MGST1: variants seen among roughly 807,000 people sequenced by gnomAD.
The protein encoded by MGST1 is microsomal glutathione S-transferase 1, also known as glutathione S-transferase 12.
Under a neutral mutation model 8.9 loss-of-function variants are expected in MGST1, and 5 were observed. The observed-to-expected ratio is 0.56, with a 90% CI of 0.29 to 1.19. The LOEUF is 1.19. Among genes scored for constraint, MGST1 ranks in the 50% most tolerant of loss-of-function variants. The pLI, the probability that MGST1 is intolerant of heterozygous loss-of-function variation, is 0.08. For missense variants in MGST1, 182 were observed against 187.4 expected (o/e 0.97, Z 0.17); for synonymous variants, 54 against 67.8 (o/e 0.80, Z 1.00).
chr12:16,451,582 T>A (rs542172161), intron 4 of MGST1, among the ~76,000 whole-genome samples: 1 of 151,982 alleles, frequency 6.6e-6, no homozygotes, highest in East Asian at 1.9e-4. Context: ...AACAGTTATA[T>A]GAATTTTTTA....
downstream of MGST1, chr12:16,589,717 T>C (rs1016435665): frequency 1.3e-5 from 2 of 152,066 alleles, no homozygotes; most frequent in Non-Finnish European, 2.9e-5. The surrounding 1 kb of genome is among the most constrained non-coding windows in gnomAD (Gnocchi z 4.2). Flanking sequence ...AAGATCAAGC[T>C]CAAATTGATC....
chr12:16,472,579 A>AATG (rs1487983425), intron 4 of MGST1, among the ~76,000 whole-genome samples: 1 of 152,098 alleles, frequency 6.6e-6, no homozygotes, highest in Non-Finnish European at 1.5e-5. Flanking sequence ...CAGCCTCCAG[A>AATG]ATGATAATAT....
intron 4 of MGST1, among the ~76,000 whole-genome samples, chr12:16,554,893 C>T (rs1385240891): frequency 6.6e-6 from 1 of 152,122 alleles, no homozygotes; most frequent in Non-Finnish European, 1.5e-5. Flanking sequence ...CTCCCAACCT[C>T]GTGATCCGCC....
chr12:16,411,511 C>T (rs545952158), intron 1 of MGST1, among the ~76,000 whole-genome samples: 49 of 152,140 alleles, frequency 3.2e-4, no homozygotes, highest in African/African-American at 1.1e-3. Context: ...TCACATTCTT[C>T]AAAAATGTTA....
chr12:16,358,779 CTTTTTTTTTTTT>C (rs35081887), intron 3 of MGST1, among the ~76,000 whole-genome samples: 20 of 57,582 alleles, frequency 3.5e-4, no homozygotes, highest in South Asian at 2.1e-3. Flanking sequence ...AAATTCATTC[CTTTTTTTTTTTT>C]TTTTTTTTTT....
At chr12:16,427,779 T>G (rs1467267186) in intron 1 of MGST1, among the ~76,000 whole-genome samples, 1 of 152,224 alleles carries the variant, frequency 6.6e-6, no homozygotes, top group East Asian at 1.9e-4. Context: ...ATTATGCTTT[T>G]TCCTTTTAAT....
At chr12:16,501,751 C>T (rs1417840017) in intron 4 of MGST1, among the ~76,000 whole-genome samples, 1 of 152,086 alleles carries the variant, frequency 6.6e-6, no homozygotes, top group Non-Finnish European at 1.5e-5. Context: ...TGCAGTTCTA[C>T]TAGTACTAAA....
At position 16,517,073 on chromosome 12, in the gene MGST1, T is replaced by C. The variant is rs1941620219; in HGVS notation, n.483-72455T>C. ...CCCAAGAATATAGACATGAATGAAA[T>C]TGGAGTTACATTAAAAAAAATCAAT... On this transcript the variant is annotated intron_variant and non_coding_transcript_variant, in intron 4 of 4. Coordinates refer to the MGST1 transcript ENST00000538857. This position sits in a 1 kb window ranked among gnomAD's most constrained non-coding sequence, Gnocchi z 4.2. Among the ~76,000 whole-genome samples the C allele has an allele frequency of 6.6e-6, 1 of 152,006 alleles. No homozygotes were observed. Among genetic ancestry groups the C allele is most frequent in the Non-Finnish European group, 1.5e-5 (1 of 67,972 alleles).
Position 16,560,553 on chromosome 12 carries a change from ATTT to A in MGST1, n.483-28964_483-28962del. On this transcript the variant is annotated intron_variant and non_coding_transcript_variant, in intron 4 of 4. Transcript: ENST00000538857. The surrounding 1 kb of genome is among the most constrained non-coding windows in gnomAD (Gnocchi z 5.0). ...CACCAAAGAGCCTAGAATAAGAAAC[ATTT>A]TTTTTTTTTTACAAACTCTTACAGA... The A allele has an allele frequency of 4.9e-6, 7 of 1,414,454 alleles. No homozygotes were observed. Among genetic ancestry groups the A allele is most frequent in the Non-Finnish European group, 6.7e-6 (7 of 1,037,254 alleles). 87.6% of individuals were successfully genotyped at this position (1,414,454 alleles called of 1,614,324 possible). A position where few individuals can be genotyped will look rare whatever the true frequency, so the allele number is the denominator to read the frequency against.
chr12:16,543,770 G>A (rs1164132928), intron 4 of MGST1, among the ~76,000 whole-genome samples: 2 of 152,072 alleles, frequency 1.3e-5, no homozygotes, highest in African/African-American at 4.8e-5. Context: ...GATGTTCACA[G>A]TCTCAAACAG....
At chr12:16,486,334 T>C (rs1184447912) in intron 4 of MGST1, among the ~76,000 whole-genome samples, 2 of 152,224 alleles carry the variant, frequency 1.3e-5, no homozygotes, top group Non-Finnish European at 2.9e-5. Flanking sequence ...TGCTCAGCTA[T>C]TAATCGAAAA....
intron 4 of MGST1, among the ~76,000 whole-genome samples, chr12:16,450,210 T>C (rs1340780535): frequency 6.6e-6 from 1 of 151,948 alleles, no homozygotes; most frequent in East Asian, 1.9e-4. Context: ...AATCAGCTGC[T>C]AAGAACTTAA....
At chr12:16,450,743 C>T (rs1941121873) in intron 4 of MGST1, among the ~76,000 whole-genome samples, 1 of 151,778 alleles carries the variant, frequency 6.6e-6, no homozygotes, top group South Asian at 2.1e-4. Context: ...TGGGCTTTTC[C>T]CCCTTTCTTG....
chr12:16,523,835 T>G (rs1941664665), intron 4 of MGST1, among the ~76,000 whole-genome samples: 1 of 152,092 alleles, frequency 6.6e-6, no homozygotes, highest in Non-Finnish European at 1.5e-5. Flanking sequence ...GATCTCAGAA[T>G]GCATTGCATT....
intron 4 of MGST1, among the ~76,000 whole-genome samples, chr12:16,509,814 A>C (rs1321879563): frequency 2.0e-5 from 3 of 152,108 alleles, no homozygotes; most frequent in African/African-American, 7.2e-5. Context: ...CTTTCTCTAG[A>C]TTTCTCAATT....
At chr12:16,409,739 A>G (rs751228791) in intron 1 of MGST1, among the ~76,000 whole-genome samples, 1 of 152,146 alleles carries the variant, frequency 6.6e-6, no homozygotes, top group Non-Finnish European at 1.5e-5. Flanking sequence ...CTTTTTGCCC[A>G]GAAAGCCTGT....
At chr12:16,552,940 T>C (rs1272386596) in intron 4 of MGST1, among the ~76,000 whole-genome samples, 3 of 96,922 alleles carry the variant, frequency 3.1e-5, no homozygotes, top group Non-Finnish European at 8.3e-5. Context: ...GGGTCCAAAC[T>C]CTACCTTCCC....
intron 1 of MGST1, among the ~76,000 whole-genome samples, chr12:16,395,674 G>GT (rs1940597395): frequency 6.6e-6 from 1 of 151,218 alleles, no homozygotes; most frequent in South Asian, 2.1e-4. Context: ...AAAATATTTG[G>GT]TTTTCCATTC....
intron 1 of MGST1, among the ~76,000 whole-genome samples, chr12:16,437,036 A>G (rs771890149): frequency 2.6e-5 from 4 of 152,018 alleles, no homozygotes; most frequent in Admixed American, 1.3e-4. Flanking sequence ...CCTTGGAATG[A>G]AGAGCAAGGG....
Sources: gnomAD v4.1 joint callset for allele counts (sites outside exome capture counted in the v4.1 genomes callset) on GRCh38, gnomAD v4.1.1 for gene constraint, Gnocchi (gnomAD v3.1) non-coding constraint, MANE v1.5 for transcripts, NCBI Gene and HGNC (gene_info 2026-07-23, HGNC 2026-07-21) for gene names.